Variants in WDFY3 observed in about 807,000 individuals in gnomAD.
The protein encoded by WDFY3 is WD repeat and FYVE domain containing 3.
Under a neutral mutation model 409.6 loss-of-function variants are expected in WDFY3, and 66 were observed. That is an observed-to-expected ratio of 0.16 (90% CI 0.13 to 0.20). The LOEUF is 0.20. Among genes scored for constraint, WDFY3 ranks in the 10% least tolerant of loss-of-function variants. WDFY3 has a pLI of 1.00. For synonymous variants in WDFY3, 1,521 were observed against 1,537.1 expected, an observed-to-expected ratio of 0.99 and a Z score of 0.25; for missense variants, 3,031 against 4,298.1, an observed-to-expected ratio of 0.71 and a Z score of 8.24.
At chr4:84,937,560 C>T (rs1771584427) in intron 1 of WDFY3, among the ~76,000 whole-genome samples, 1 of 152,110 alleles carries the variant, frequency 6.6e-6, no homozygotes, top group South Asian at 2.1e-4. Flanking sequence ...ACTGGTCTCC[C>T]AACTTCTACC....
At chr4:84,944,906 C>A (rs926288359) in intron 1 of WDFY3, among the ~76,000 whole-genome samples, 1 of 152,146 alleles carries the variant, frequency 6.6e-6, no homozygotes, top group East Asian at 1.9e-4. Context: ...GTAGACACTT[C>A]CTGGAGTAGC....
At chr4:84,955,890 C>G (rs1774179471) in intron 1 of WDFY3, among the ~76,000 whole-genome samples, 1 of 152,002 alleles carries the variant, frequency 6.6e-6, no homozygotes, top group Non-Finnish European at 1.5e-5. Flanking sequence ...AGTTATTCAA[C>G]TTATAAAGTG....
chr4:84,829,410 A>G (rs868505778), intron 8 of WDFY3, among the ~76,000 whole-genome samples: 16 of 152,176 alleles, frequency 1.1e-4, no homozygotes, highest in African/African-American at 3.1e-4. Flanking sequence ...AAATGTGTTG[A>G]AAAATAGTTG....
At position 84,699,044 on chromosome 4, in the gene WDFY3, G is replaced by T. The variant is rs866047644; in HGVS notation, c.8597-2221C>A. On this transcript the variant is annotated intron_variant, in intron 56 of 67. Transcript: ENST00000295888. ...TTTTTTCTGTGTGAAGAGGCAAACT[G>T]TTTTTTTTTTTTTCTATTGGGGTGA... is the stretch of plus-strand genomic sequence containing the variant. Among the ~76,000 whole-genome samples the T allele has an allele frequency of 3.4e-4, 48 of 143,272 alleles. No homozygotes were observed. In the South Asian group the frequency reaches 4.9e-3, roughly 15 times the overall value. 94.0% of individuals were successfully genotyped at this position (143,272 alleles called of 152,430 possible). A position where few individuals can be genotyped will look rare whatever the true frequency, so the allele number is the denominator to read the frequency against.
chr4:84,923,616 A>C (rs1024858322), intron 2 of WDFY3, among the ~76,000 whole-genome samples: 1 of 152,152 alleles, frequency 6.6e-6, no homozygotes, highest in Non-Finnish European at 1.5e-5. Context: ...CCTACAGGGG[A>C]AGAGATTCTT....
chr4:84,929,446 T>G (rs1413742697), intron 2 of WDFY3, among the ~76,000 whole-genome samples: 2 of 151,842 alleles, frequency 1.3e-5, no homozygotes, highest in African/African-American at 2.4e-5. Flanking sequence ...TAATTTGTTA[T>G]GTAGGGCAAT....
At chr4:84,831,241 T>A (rs1755686043) in intron 8 of WDFY3, among the ~76,000 whole-genome samples, 172 bp downstream of exon 8, 1 of 151,994 alleles carries the variant, frequency 6.6e-6, no homozygotes, top group African/African-American at 2.4e-5. Context: ...GAGAATGTTT[T>A]ACATTTGAAA....
chr4:84,849,722 GGAGA>G, intron 5 of WDFY3, 176 bp downstream of exon 5: 2 of 738,154 alleles, frequency 2.7e-6, no homozygotes, highest in South Asian at 4.1e-5. Flanking sequence ...CAGAACTACT[GGAGA>G]GTTGAAGATG....
rs373795014 is a variant in WDFY3, at chr4:84,751,699, A to G, written c.5757T>C (p.Asp1919=). 7 of 1,614,028 alleles carry G rather than the reference A, an allele frequency of 4.3e-6. No homozygotes were observed. In the African/African-American group the frequency reaches 9.3e-5, roughly 22 times the overall value. Reference sequence around the variant, plus strand: ...ACTCTTCTGCTGGAGATCCAACTTCATCATCAAGGTCAGTCACCTAGTAAA... The same window carrying G: ...ACTCTTCTGCTGGAGATCCAACTTCGTCATCAAGGTCAGTCACCTAGTAAA... ...PYSEMVTDLD[D]EVGSPAEEFK... is the part of the protein sequence containing the mutation. The change falls in exon 36 of 68, where the codon GAT becomes GAC. Residue 1919 remains aspartate, a synonymous_variant. Coordinates refer to ENST00000295888, the MANE Select transcript of WDFY3 (RefSeq NM_014991.6).
intron 38 of WDFY3, among the ~76,000 whole-genome samples, chr4:84,740,951 T>A (rs1738302673): frequency 6.6e-6 from 1 of 152,240 alleles, no homozygotes; most frequent in Non-Finnish European, 1.5e-5. Context: ...TAACAATTAT[T>A]TCTTACTTTC....
chr4:84,782,466 C>T (rs1210808032), intron 25 of WDFY3, among the ~76,000 whole-genome samples: 1 of 152,022 alleles, frequency 6.6e-6, no homozygotes, highest in African/African-American at 2.4e-5. Context: ...GTTTGCTGCA[C>T]CTATAAACCT....
At chr4:84,688,710 A>T (rs960668798) in intron 61 of WDFY3, among the ~76,000 whole-genome samples, 4 of 150,662 alleles carry the variant, frequency 2.7e-5, no homozygotes, top group Admixed American at 2.0e-4. Context: ...AATTGAATGA[A>T]TTTTTTTTTA....
chr4:84,724,842 C>A (rs1735404871), intron 45 of WDFY3, among the ~76,000 whole-genome samples: 1 of 152,078 alleles, frequency 6.6e-6, no homozygotes, highest in Non-Finnish European at 1.5e-5. Context: ...TAATCTCTAG[C>A]CAAAAAATGT....
At chr4:84,888,876 A>ATAC (rs1764573734) in intron 3 of WDFY3, among the ~76,000 whole-genome samples, 1 of 151,630 alleles carries the variant, frequency 6.6e-6, no homozygotes, top group Non-Finnish European at 1.5e-5. Context: ...AAAGCTTGTC[A>ATAC]GTATATCAGC....
Position 84,845,422 on chromosome 4 carries a change from G to A in WDFY3, c.305-4159C>T, listed in dbSNP as rs917999685. Among the ~76,000 whole-genome samples the A allele has an allele frequency of 3.9e-5, 6 of 152,224 alleles. 1 individual carries two copies. The East Asian group carries it at 7.7e-4, about 20-fold the overall frequency. On this transcript the variant is annotated intron_variant, in intron 5 of 67. Transcript: ENST00000295888. ...TGGTGGTTGGTGGCCAGGGGCTGAG[G>A]AGAGGGGGAAATGAGGAGTTGCTGT...
Position 84,774,981 on chromosome 4 carries a change from A to G in WDFY3, c.4593T>C (p.Ser1531=), listed in dbSNP as rs763635172. 4 of 1,613,578 alleles carry G rather than the reference A, an allele frequency of 2.5e-6. No individual in the cohort carries two copies. Among genetic ancestry groups the G allele is most frequent in the Non-Finnish European group, 3.4e-6 (4 of 1,179,794 alleles). Residue 1531 remains serine (S), a splice_region_variant and synonymous_variant, in exon 29 of 68, where the codon AGT becomes AGC. Coordinates refer to ENST00000295888, the MANE Select transcript of WDFY3 (RefSeq NM_014991.6). The part of the protein sequence containing the change: ...EHFIELLTES[S]EASKNAKLMR... ...TTAATTTGGCATTCTTTGAGGCTTC[A>G]CTATAAGAGAAAGAAGATTTTATAC...
Position 84,794,641 on chromosome 4 carries a change from A to C in WDFY3, c.3365T>G (p.Leu1122Arg). The C allele has an allele frequency of 6.2e-7, 1 of 1,614,152 alleles. No individual in the cohort carries two copies. Among genetic ancestry groups the C allele is most frequent in the Non-Finnish European group, 8.5e-7 (1 of 1,180,020 alleles). Residue 1122 changes from leucine to arginine, a missense_variant, in exon 21 of 68, where the codon CTT becomes CGT. Physicochemically the swap from Leu to Arg is moderately radical, Grantham distance 102 (BLOSUM62 -2). This residue lies in a region of WDFY3 where 1,322 missense variants were observed against 1,697.9 expected (regional missense o/e 0.78). Transcript: ENST00000295888. ...ATTTGCTCGGCGCACAACAGTAAGA[A>C]GTCTGACAGGGTGGTTATTTGGAGG... ...SSPPNNHPVR[L>R]LTVVRRANSS...
intron 64 of WDFY3, among the ~76,000 whole-genome samples, chr4:84,680,547 C>G (rs935810823): frequency 1.3e-5 from 2 of 152,198 alleles, no homozygotes. Context: ...CACATCAACT[C>G]TCTACTCTCT....
chr4:84,925,376 T>C (rs1164826135), intron 2 of WDFY3, among the ~76,000 whole-genome samples: 3 of 152,192 alleles, frequency 2.0e-5, no homozygotes, highest in Non-Finnish European at 2.9e-5. Context: ...GAATACTTTC[T>C]GACTTCACTA....
Sources: allele counts gnomAD v4.1 joint callset (sites outside exome capture counted in the v4.1 genomes callset), GRCh38; gene constraint gnomAD v4.1.1; regional missense constraint gnomAD v4.1.1; transcripts MANE v1.5; gene names NCBI Gene and HGNC (gene_info 2026-07-23, HGNC 2026-07-21).